ZNF292: variants seen among roughly 807,000 people sequenced by gnomAD.
The protein encoded by ZNF292 is zinc finger protein 292.
In ZNF292, 26 loss-of-function variants were observed where a neutral mutation model predicts 217.9. That is an observed-to-expected ratio of 0.12 (90% CI 0.09 to 0.17). ZNF292 has a LOEUF of 0.17. ZNF292 is among the 10% of genes least tolerant of loss of function. The pLI, the probability that ZNF292 is intolerant of heterozygous loss-of-function variation, is 1.00. For missense variants in ZNF292, 2,904 were observed against 3,175.2 expected (o/e 0.91, Z 2.05); for synonymous variants, 1,257 against 1,124.1 (o/e 1.12, Z -2.37).
In ZNF292 at chr6:87,256,465, G is replaced by C. The variant is rs560745489; in HGVS notation, c.2836G>C (p.Gly946Arg). 1 of 1,608,958 alleles carries C rather than the reference G, an allele frequency of 6.2e-7. No individual in the cohort carries two copies. The highest frequency in any genetic ancestry group is 1.3e-5 in the African/African-American group (1 of 75,038). Residue 946 changes from glycine to arginine, a missense_variant, in exon 8 of 8, where the codon GGG (glycine) becomes CGG (arginine). Physicochemically the swap from Gly to Arg is moderately radical, Grantham distance 125. Transcript: ENST00000369577. ...AVSIKVSLNQGIEDNFGKQEN... is the reference protein window; with the variant it reads ...AVSIKVSLNQRIEDNFGKQEN... ...GTCCATTAAGGTGTCTCTCAATCAG[G>C]GGATTGAGGATAACTTTGGAAAGCA...
chr6:87,259,412 A>G lies in ZNF292; in HGVS notation c.5783A>G (p.Gln1928Arg). The G allele has an allele frequency of 1.2e-6, 2 of 1,603,800 alleles. No homozygotes were observed. The highest frequency in any genetic ancestry group is 1.7e-6 in the Non-Finnish European group (2 of 1,174,408). Residue 1928 changes from glutamine (Q) to arginine (R), a missense_variant, in exon 8 of 8, where the codon CAA (glutamine) becomes CGA (arginine). Coordinates refer to ENST00000369577, the MANE Select transcript of ZNF292 (RefSeq NM_015021.3). ...ALFKHYGKIHQYTPEMILEIK... is the reference protein window; with the variant it reads ...ALFKHYGKIHRYTPEMILEIK... Reference sequence around the variant, plus strand: ...TTTAAGCACTATGGTAAAATTCATCAATACACTCCAGAAATGATTCTTGAA... The same window carrying G: ...TTTAAGCACTATGGTAAAATTCATCGATACACTCCAGAAATGATTCTTGAA...
rs557560695 is a variant in ZNF292 at position 87,198,354 on chromosome 6, G to A, written c.169-17549G>A. Among the ~76,000 whole-genome samples the A allele has an allele frequency of 2.6e-3, 397 of 152,120 alleles. 2 individuals carry two copies. The highest frequency in any genetic ancestry group is 9.1e-3 in the African/African-American group (378 of 41,506). On this transcript the variant is annotated intron_variant, in intron 1 of 7. Transcript: ENST00000369577. Reference sequence around the variant, plus strand: ...CGAGTAGCTGGGACTACAGGCGTCCGCCACCACACCTGGCTAATTTTTTGT... The same window carrying A: ...CGAGTAGCTGGGACTACAGGCGTCCACCACCACACCTGGCTAATTTTTTGT...
chr6:87,174,929 T>A (rs961613160), intron 1 of ZNF292, among the ~76,000 whole-genome samples: 1 of 152,188 alleles, frequency 6.6e-6, no homozygotes, highest in Non-Finnish European at 1.5e-5. Flanking sequence ...CCCGAAGTCG[T>A]CATCTCAGAT....
intron 7 of ZNF292, among the ~76,000 whole-genome samples, chr6:87,251,041 C>T (rs775741898): frequency 6.6e-6 from 1 of 152,108 alleles, no homozygotes; most frequent in South Asian, 2.1e-4. Context: ...TTTCGTTACT[C>T]ACTTAGTAAT....
At chr6:87,218,202 A>C (rs1358999429) in intron 3 of ZNF292, among the ~76,000 whole-genome samples, 1 of 152,098 alleles carries the variant, frequency 6.6e-6, no homozygotes, top group Non-Finnish European at 1.5e-5. Context: ...ATAAGTTGTC[A>C]CTTAGTTCGT....
intron 1 of ZNF292, among the ~76,000 whole-genome samples, chr6:87,200,614 C>T (rs138251445): frequency 6.6e-6 from 1 of 152,194 alleles, no homozygotes; most frequent in African/African-American, 2.4e-5. Context: ...AAAGAATATG[C>T]AAGAACAGAG....
At position 87,163,203 on chromosome 6, in the gene ZNF292, G is replaced by A. The variant is rs561355971; in HGVS notation, c.168+7444G>A. ...GCGGTGGCTCACGCCTGTAATCCTA[G>A]CACTTTGGGAGGCCGAGGCGGGCAG... On this transcript the variant is annotated intron_variant, in intron 1 of 7. Transcript: ENST00000369577. 1.1e-4 allele frequency among the ~76,000 whole-genome samples: 16 copies of A among 152,274 alleles called. No individual in the cohort carries two copies. The Middle Eastern group carries it at 0.01, about 97-fold the overall frequency.
In ZNF292 at chr6:87,265,152, G is replaced by A. The variant is rs974358657; in HGVS notation, c.*3351G>A. On this transcript the variant is annotated 3_prime_UTR_variant, in exon 8 of 8. Coordinates refer to ENST00000369577, the MANE Select transcript of ZNF292 (RefSeq NM_015021.3). ...TTTGGAGACAGAGTCTCGCTCTGTT[G>A]CCCAGGCTGGAGTGCAGTGTTGCAC... Among the ~76,000 whole-genome samples, 3 of 150,820 alleles carry A rather than the reference G, an allele frequency of 2.0e-5. No individual in the cohort carries two copies. The highest frequency in any genetic ancestry group is 7.3e-5 in the African/African-American group (3 of 40,918).
At chr6:87,168,585 T>G (rs1304845489) in intron 1 of ZNF292, among the ~76,000 whole-genome samples, 1 of 152,212 alleles carries the variant, frequency 6.6e-6, no homozygotes, top group Non-Finnish European at 1.5e-5. Context: ...TTCTCCTGCC[T>G]CAGTCTCCCG....
intron 1 of ZNF292, among the ~76,000 whole-genome samples, chr6:87,180,083 G>A (rs1771425961): frequency 1.3e-5 from 2 of 152,098 alleles, no homozygotes; most frequent in South Asian, 4.1e-4. Context: ...GCTTCCCTGG[G>A]CCACATTGAA....
rs541319817 is a variant in ZNF292, at chr6:87,202,911, A to G, written c.169-12992A>G. ...TTTTTGTTAATCTCTTACTGTGCCTAATTTACAAATTAAACTATCTTAGGT... is the reference window on the plus strand; with the variant it reads ...TTTTTGTTAATCTCTTACTGTGCCTGATTTACAAATTAAACTATCTTAGGT... On this transcript the variant is annotated intron_variant, in intron 1 of 7. Transcript: ENST00000369577. Among the ~76,000 whole-genome samples, 8 of 152,190 alleles carry G rather than the reference A, an allele frequency of 5.3e-5. No individual in the cohort carries two copies. In the East Asian group the frequency reaches 1.5e-3, roughly 29 times the overall value.
intron 1 of ZNF292, among the ~76,000 whole-genome samples, chr6:87,174,899 C>T (rs1327048202): frequency 2.0e-5 from 3 of 152,068 alleles, no homozygotes; most frequent in South Asian, 2.1e-4. Context: ...TTGAGAAGAC[C>T]GAGGTTATCT....
intron 6 of ZNF292, among the ~76,000 whole-genome samples, chr6:87,244,363 TAAG>T (rs768251841): frequency 6.6e-6 from 1 of 152,166 alleles, no homozygotes; most frequent in Non-Finnish European, 1.5e-5. Context: ...GGAGAATAAA[TAAG>T]AAGTATTTAT....
chr6:87,251,217 CTG>C (rs1385661725), intron 7 of ZNF292, among the ~76,000 whole-genome samples: 7 of 152,308 alleles, frequency 4.6e-5, no homozygotes, highest in Non-Finnish European at 7.3e-5. Context: ...AGTGGTCAGA[CTG>C]TGAAGTCCTT....
intron 7 of ZNF292, among the ~76,000 whole-genome samples, chr6:87,250,161 A>T (rs1582503087): frequency 6.6e-6 from 1 of 152,034 alleles, no homozygotes; most frequent in Admixed American, 6.6e-5. Flanking sequence ...CTGATTGAAA[A>T]TATTCAGGGG....
intron 1 of ZNF292, 56 bp downstream of exon 1, chr6:87,155,815 G>C: frequency 1.3e-6 from 2 of 1,491,256 alleles, no homozygotes. Context: ...GGAAGAGGGC[G>C]AGCGAGCGCT....
intron 1 of ZNF292, among the ~76,000 whole-genome samples, chr6:87,199,104 C>T (rs759842489): frequency 2.0e-5 from 3 of 152,156 alleles, no homozygotes; most frequent in Non-Finnish European, 2.9e-5. Context: ...GTGACTGTGC[C>T]ATTTTACATT....
rs759611900 is a variant in ZNF292 at position 87,258,901 on chromosome 6, A to T, written c.5272A>T (p.Thr1758Ser). The T allele has an allele frequency of 6.8e-6, 11 of 1,606,942 alleles. No homozygotes were observed. Among genetic ancestry groups the T allele is most frequent in the Non-Finnish European group, 9.4e-6 (11 of 1,176,074 alleles). Residue 1758 changes from threonine (T) to serine (S), a missense_variant, in exon 8 of 8, where the codon ACT becomes TCT. By Grantham distance (58) the Thr-to-Ser change is moderately conservative (BLOSUM62 1). Transcript: ENST00000369577. ...EDNVIQNFEK[T>S]LEIIKTAMNS... The stretch of plus-strand genomic sequence containing the variant: ...CAATGTTATACAAAACTTTGAAAAG[A>T]CTCTTGAAATTATTAAAACTGCTAT...
At chr6:87,167,326 A>G (rs1158005410) in intron 1 of ZNF292, among the ~76,000 whole-genome samples, 2 of 152,208 alleles carry the variant, frequency 1.3e-5, no homozygotes, top group African/African-American at 2.4e-5. Context: ...GTTTTCAGTT[A>G]AAGTACAGCT....
Sources: gnomAD v4.1 joint callset for allele counts (sites outside exome capture counted in the v4.1 genomes callset) on GRCh38, gnomAD v4.1.1 for gene constraint, MANE v1.5 for transcripts, NCBI Gene and HGNC (gene_info 2026-07-23, HGNC 2026-07-21) for gene names.